The following NLN variants were observed in gnomAD, a reference collection of about 807,000 sequenced individuals.
The protein encoded by NLN is neurolysin.
In NLN, 64 loss-of-function variants were observed where a neutral mutation model predicts 79.9. That is an observed-to-expected ratio of 0.80 (90% CI 0.65 to 0.99). NLN has a LOEUF of 0.99. NLN is among the 50% of genes least tolerant of loss of function. The pLI is 0.00. For synonymous variants in NLN, 267 were observed against 296.6 expected (o/e 0.90, Z 1.02); for missense variants, 835 against 858.7 (o/e 0.97, Z 0.34).
intron 1 of NLN, among the ~76,000 whole-genome samples, chr5:65,745,853 G>A (rs1021099349): frequency 6.6e-6 from 1 of 152,190 alleles, no homozygotes; most frequent in African/African-American, 2.4e-5. Flanking sequence ...AGATTAGAAA[G>A]CATCCAGAAC....
chr5:65,730,970 A>G (rs1326796402), intron 1 of NLN, among the ~76,000 whole-genome samples: 1 of 152,228 alleles, frequency 6.6e-6, no homozygotes, highest in Non-Finnish European at 1.5e-5. Flanking sequence ...GAGTACAATG[A>G]TCAATGTTTA....
At chr5:65,759,472 A>G (rs1378138809) in intron 2 of NLN, among the ~76,000 whole-genome samples, 3 of 151,882 alleles carry the variant, frequency 2.0e-5, no homozygotes, top group Non-Finnish European at 4.4e-5. Context: ...AGATTGATTG[A>G]TAGATTGATT....
chr5:65,727,583 C>G (rs1758507336), intron 1 of NLN, among the ~76,000 whole-genome samples: 1 of 151,910 alleles, frequency 6.6e-6, no homozygotes, highest in South Asian at 2.1e-4. Context: ...AGGAGAATTC[C>G]TCCTCCTACC....
At chr5:65,764,532 TTAAAA>T (rs1275402019) in intron 3 of NLN, among the ~76,000 whole-genome samples, 4 of 152,156 alleles carry the variant, frequency 2.6e-5, no homozygotes, top group Non-Finnish European at 5.9e-5. Flanking sequence ...TTCTCAAAAA[TTAAAA>T]TAAAATAAAT....
chr5:65,826,911 TAAAAA>T lies in NLN; in HGVS notation c.*4002_*4006del, dbSNP rs918031005. On this transcript the variant is annotated 3_prime_UTR_variant, in exon 13 of 13. Coordinates refer to ENST00000380985, the MANE Select transcript of NLN (RefSeq NM_020726.5). ...ACAGAGACCCTGTCTTAAAATAAAA[TAAAAA>T]AAAAAGGAAAAGGAAAGACATACAT... The T allele has an allele frequency of 7.0e-6, 1 of 141,922 alleles. No individual in the cohort carries two copies. Among genetic ancestry groups the T allele is most frequent in the Non-Finnish European group, 1.5e-5 (1 of 64,568 alleles). 8.8% of individuals were successfully genotyped at this position (141,922 alleles called of 1,614,324 possible). A position where few individuals can be genotyped will look rare whatever the true frequency, so the allele number is the denominator to read the frequency against.
Position 65,739,043 on chromosome 5 carries a change from A to ATATAT in NLN, c.41+16629_41+16630insTATAT, listed in dbSNP as rs1388809487. Among the ~76,000 whole-genome samples, 279 of 124,088 alleles carry ATATAT rather than the reference A, an allele frequency of 2.2e-3. 1 individual carries two copies. Among genetic ancestry groups the ATATAT allele is most frequent in the African/African-American group, 2.6e-3 (85 of 33,212 alleles). The allele number at this position is 124,088 out of a possible 152,430, so 81.4% of individuals were successfully genotyped here. ...ATATAAATATATAATATATATATAA[A>ATATAT]AAATATATATAAATTAGCCTGGCTA... On this transcript the variant is annotated intron_variant, in intron 1 of 12. Transcript: ENST00000380985.
intron 6 of NLN, 67 bp downstream of exon 6, chr5:65,781,488 C>A: frequency 8.4e-7 from 1 of 1,188,370 alleles, no homozygotes; most frequent in South Asian, 1.3e-5. Flanking sequence ...TTACTTTGTT[C>A]ACCAGTGTCA....
intron 8 of NLN, among the ~76,000 whole-genome samples, chr5:65,791,730 A>T (rs112485154): frequency 0.041 from 6,278 of 152,198 alleles, 285 homozygotes; most frequent in African/African-American, 0.12. Flanking sequence ...CTCAAAAAAA[A>T]AAAAATAAAA....
chr5:65,813,584 C>A (rs1276821297), intron 12 of NLN, among the ~76,000 whole-genome samples: 1 of 152,088 alleles, frequency 6.6e-6, no homozygotes, highest in Non-Finnish European at 1.5e-5. Context: ...AAGTTCCCAC[C>A]ACCTCTCTCA....
chr5:65,811,953 G>A (rs1760557179), intron 11 of NLN, among the ~76,000 whole-genome samples: 1 of 152,206 alleles, frequency 6.6e-6, no homozygotes, highest in South Asian at 2.1e-4. Flanking sequence ...TAAGAGATAA[G>A]AAAGGACTGA....
At chr5:65,772,329 G>C (rs887197880) in intron 3 of NLN, among the ~76,000 whole-genome samples, 2 of 152,174 alleles carry the variant, frequency 1.3e-5, no homozygotes, top group African/African-American at 4.8e-5. Flanking sequence ...ATAATTAGGA[G>C]CTCAGTAAAT....
chr5:65,724,443 A>C (rs545444181), intron 1 of NLN, among the ~76,000 whole-genome samples: 191 of 152,158 alleles, frequency 1.3e-3, no homozygotes, highest in Non-Finnish European at 2.2e-3. Context: ...AAACTGAATA[A>C]TATTTCATTG....
chr5:65,758,997 A>G (rs188642654), intron 2 of NLN, among the ~76,000 whole-genome samples, 171 bp downstream of exon 2: 168 of 152,320 alleles, frequency 1.1e-3, no homozygotes, highest in Non-Finnish European at 1.6e-3. Flanking sequence ...AAGGTGCTAT[A>G]AAATGTACAC....
Position 65,777,528 on chromosome 5 carries a change from A to G in NLN, c.552A>G (p.Val184=). The G allele has an allele frequency of 6.4e-7, 1 of 1,571,496 alleles. No homozygotes were observed. Among genetic ancestry groups the G allele is most frequent in the Non-Finnish European group, 8.7e-7 (1 of 1,144,350 alleles). Residue 184 remains valine (V), a synonymous_variant, in exon 4 of 13, where the codon GTA becomes GTG. Transcript: ENST00000380985. ...ATGGGCTCCATCTTCCTGAACAAGT[A>G]CAGAATGTGAGTTTATGTTTTCTTT... is the stretch of plus-strand genomic sequence containing the variant. The part of the protein sequence containing the change: ...KRNGLHLPEQ[V]QNEIKSMKKR...
intron 1 of NLN, among the ~76,000 whole-genome samples, chr5:65,757,954 C>T (rs536048228): frequency 4.4e-4 from 67 of 152,002 alleles, no homozygotes; most frequent in Non-Finnish European, 7.9e-4. Flanking sequence ...AGATACTGGC[C>T]GGGTGCAGTG....
chr5:65,740,838 G>A (rs931695980), intron 1 of NLN: 12 of 145,254 alleles, frequency 8.3e-5, no homozygotes, highest in Non-Finnish European at 1.2e-4. Context: ...TTATATATAC[G>A]TATATTATAT....
At chr5:65,735,979 G>A (rs1222690613) in intron 1 of NLN, among the ~76,000 whole-genome samples, 4 of 152,100 alleles carry the variant, frequency 2.6e-5, no homozygotes, top group East Asian at 1.9e-4. Flanking sequence ...ATGCATATAC[G>A]TATATACATG....
At chr5:65,767,395 G>A (rs1393927202) in intron 3 of NLN, among the ~76,000 whole-genome samples, 1 of 152,236 alleles carries the variant, frequency 6.6e-6, no homozygotes, top group Admixed American at 6.5e-5. Context: ...CTGTACCTTG[G>A]CCCCTTTTAG....
At chr5:65,770,764 T>A (rs60251566) in intron 3 of NLN, among the ~76,000 whole-genome samples, 2,403 of 152,288 alleles carry the variant, frequency 0.016, 62 homozygotes, top group African/African-American at 0.054. Context: ...AGAAAATGGA[T>A]CTATAAATTG....
Sources: allele counts gnomAD v4.1 joint callset (sites outside exome capture counted in the v4.1 genomes callset), GRCh38; gene constraint gnomAD v4.1.1; transcripts MANE v1.5; gene names NCBI Gene and HGNC (gene_info 2026-07-23, HGNC 2026-07-21).